The following FCRL2 variants were observed in gnomAD, a reference collection of about 807,000 sequenced individuals.
FCRL2 encodes the protein Fc receptor-like protein 2.
Under a neutral mutation model 59.8 loss-of-function variants are expected in FCRL2, and 48 were observed. The ratio of observed to expected loss-of-function variants is 0.80; its 90% CI spans 0.64 to 1.02. The LOEUF is 1.02. FCRL2 is among the 50% of genes least tolerant of loss of function. FCRL2 has a pLI of 0.00. For missense variants in FCRL2, 658 were observed against 597.3 expected, an observed-to-expected ratio of 1.10 and a Z score of -1.06; for synonymous variants, 251 against 229.5, an observed-to-expected ratio of 1.09 and a Z score of -0.85.
At chr1:157,771,171 G>T (rs1183363343) in intron 2 of FCRL2, among the ~76,000 whole-genome samples, 2 of 152,198 alleles carry the variant, frequency 1.3e-5, no homozygotes, top group Admixed American at 1.3e-4. Flanking sequence ...ATTTGAGGGA[G>T]ATACAAACAT....
chr1:157,751,640 A>G (rs2101674371), intron 7 of FCRL2, among the ~76,000 whole-genome samples: 1 of 152,356 alleles, frequency 6.6e-6, no homozygotes, highest in Middle Eastern at 3.4e-3. Flanking sequence ...GCCCTGTGGA[A>G]GAGAGGCAAA....
In FCRL2 at chr1:157,770,075, TC is replaced by T. The variant is rs1339353714; in HGVS notation, c.385del (p.Glu129ArgfsTer54). Reference sequence around the variant, plus strand: ...CAACCTCTGTGGAGAGAGCCGGGTCTCACATTTCAGGCTCACTGGACCCCCT... The same window carrying T: ...CAACCTCTGTGGAGAGAGCCGGGTCTACATTTCAGGCTCACTGGACCCCCT... ...IEGGPVSLKC[E>X]TRLSPQRLDV... On this transcript the variant is annotated frameshift_variant, in exon 4 of 12. Coordinates refer to ENST00000361516, the MANE Select transcript of FCRL2 (RefSeq NM_030764.4). LOFTEE classifies it high-confidence loss of function. 6.2e-7 allele frequency: 1 copy of T among 1,614,162 alleles called. No homozygotes were observed. Among genetic ancestry groups the T allele is most frequent in the South Asian group, 1.1e-5 (1 of 91,086 alleles).
chr1:157,772,064 G>A (rs893200181), intron 2 of FCRL2, among the ~76,000 whole-genome samples: 3 of 150,320 alleles, frequency 2.0e-5, no homozygotes, highest in Non-Finnish European at 4.4e-5. Flanking sequence ...GGGCAGAAAA[G>A]GTTGGTTGGA....
rs553593538 is a variant in FCRL2 at position 157,753,860 on chromosome 1, C to A, written c.1280-4183G>T. ...AAAGACACTCAACACTCAAGGAATT[C>A]TCAGAGTTTTAGGAGCTCAGGGGTC... On this transcript the variant is annotated intron_variant, in intron 7 of 11. Transcript: ENST00000361516. 3.9e-5 allele frequency among the ~76,000 whole-genome samples: 6 copies of A among 152,228 alleles called. No individual in the cohort carries two copies. The East Asian group carries it at 1.2e-3, about 29-fold the overall frequency.
intron 7 of FCRL2, among the ~76,000 whole-genome samples, chr1:157,754,861 G>T (rs1648465578): frequency 6.6e-6 from 1 of 151,874 alleles, no homozygotes; most frequent in African/African-American, 2.4e-5. Flanking sequence ...AGCTACTCAG[G>T]AGGCCGAGGT....
At chr1:157,762,621 A>G (rs1364124258) in intron 7 of FCRL2, among the ~76,000 whole-genome samples, 2 of 152,230 alleles carry the variant, frequency 1.3e-5, no homozygotes, top group Non-Finnish European at 2.9e-5. Flanking sequence ...CAATGCAAAA[A>G]GGTCTTTTCC....
At chr1:157,759,110 T>C (rs544579284) in intron 7 of FCRL2, among the ~76,000 whole-genome samples, 14 of 152,334 alleles carry the variant, frequency 9.2e-5, no homozygotes, top group African/African-American at 2.9e-4. Context: ...GTTCTCGTGA[T>C]AGTGAGTTAG....
intron 7 of FCRL2, among the ~76,000 whole-genome samples, chr1:157,764,112 G>A (rs1270526804): frequency 6.6e-6 from 1 of 151,934 alleles, no homozygotes; most frequent in Non-Finnish European, 1.5e-5. Context: ...GCTGAGGCAG[G>A]AGAATCACTT....
intron 2 of FCRL2, among the ~76,000 whole-genome samples, chr1:157,773,827 G>A (rs1571300351): frequency 6.6e-6 from 1 of 152,326 alleles, no homozygotes; most frequent in African/African-American, 2.4e-5. Context: ...TCCTCAGGGA[G>A]TTCCACATCC....
At chr1:157,760,707 G>GAAATAAAA (rs763431250) in intron 7 of FCRL2, among the ~76,000 whole-genome samples, 6 of 105,026 alleles carry the variant, frequency 5.7e-5, no homozygotes, top group African/African-American at 2.4e-4. Flanking sequence ...AGGAAAGAAA[G>GAAATAAAA]AAAGAAAGAA....
intron 10 of FCRL2, among the ~76,000 whole-genome samples, chr1:157,747,316 CAT>C (rs1176232882): frequency 1.3e-5 from 2 of 152,192 alleles, no homozygotes; most frequent in Non-Finnish European, 2.9e-5. Flanking sequence ...CTCTGAATCA[CAT>C]AGTATTTTGA....
intron 7 of FCRL2, among the ~76,000 whole-genome samples, chr1:157,757,117 A>G (rs1418128255): frequency 3.9e-5 from 6 of 152,218 alleles, no homozygotes; most frequent in Non-Finnish European, 7.4e-5. Context: ...TACCACTTGC[A>G]TTTGGTTATG....
intron 5 of FCRL2, 121 bp downstream of exon 5, chr1:157,768,293 A>G: frequency 9.9e-7 from 1 of 1,008,548 alleles, no homozygotes; most frequent in Non-Finnish European, 1.5e-6. Context: ...CCCATTTTCA[A>G]ATTGCTTTTG....
chr1:157,746,860 G>C lies in FCRL2; in HGVS notation c.1488+11C>G. 6.2e-7 allele frequency: 1 copy of C among 1,614,054 alleles called. No homozygotes were observed. The highest frequency in any genetic ancestry group is 8.5e-7 in the Non-Finnish European group (1 of 1,179,960). On this transcript the variant is annotated intron_variant, in intron 11 of 11. Coordinates refer to ENST00000361516, the MANE Select transcript of FCRL2 (RefSeq NM_030764.4). ...AGGAAAGATGAAGAAATTCCAAGGT[G>C]TCTAGCTCACCTTGTTCTCCAGAAG...
chr1:157,765,741 G>A (rs1308648818), intron 7 of FCRL2, among the ~76,000 whole-genome samples: 2 of 152,226 alleles, frequency 1.3e-5, no homozygotes, highest in African/African-American at 2.4e-5. Flanking sequence ...TTCTTTGACA[G>A]TTCTCCCATT....
intron 2 of FCRL2, among the ~76,000 whole-genome samples, chr1:157,775,400 A>C (rs779752277): frequency 6.6e-6 from 1 of 152,232 alleles, no homozygotes; most frequent in Admixed American, 6.5e-5. Flanking sequence ...TCCTCTATAA[A>C]TAGCTGTTTT....
intron 1 of FCRL2, 147 bp from the exon 2 acceptor site, chr1:157,775,942 A>G (rs1488762341): frequency 1.0e-5 from 9 of 885,552 alleles, no homozygotes; most frequent in Non-Finnish European, 1.5e-5. Context: ...CTAACAATTC[A>G]ATCTCCCTCG....
chr1:157,775,185 C>T (rs1174368335), intron 2 of FCRL2, among the ~76,000 whole-genome samples: 1 of 152,186 alleles, frequency 6.6e-6, no homozygotes, highest in African/African-American at 2.4e-5. Context: ...CACAGCCATC[C>T]TCATTCGTTT....
At position 157,768,708 on chromosome 1, in the gene FCRL2, G is replaced by A; in HGVS notation, c.596-7C>T. ...ACATTAGAGATGGGGATTCCTAGAT[G>A]GATATAAGACAACAGGTGAGAACTC... On this transcript the variant is annotated splice_region_variant and splice_polypyrimidine_tract_variant and intron_variant, in intron 4 of 11. Coordinates refer to ENST00000361516, the MANE Select transcript of FCRL2 (RefSeq NM_030764.4). The A allele has an allele frequency of 1.9e-6, 3 of 1,601,020 alleles. No homozygotes were observed. Among genetic ancestry groups the A allele is most frequent in the East Asian group, 2.2e-5 (1 of 44,788 alleles).
Sources: gnomAD v4.1 joint callset for allele counts (sites outside exome capture counted in the v4.1 genomes callset) on GRCh38, gnomAD v4.1.1 for gene constraint, MANE v1.5 for transcripts, NCBI Gene and HGNC (gene_info 2026-07-23, HGNC 2026-07-21) for gene names.